SRGAP1: variants seen among roughly 807,000 people sequenced by gnomAD.
The protein encoded by SRGAP1 is SLIT-ROBO Rho GTPase-activating protein 1.
In SRGAP1, 43 loss-of-function variants were observed where a neutral mutation model predicts 121.9. That is an observed-to-expected ratio of 0.35 (90% CI 0.28 to 0.46). The LOEUF (loss-of-function observed/expected upper bound fraction) is 0.46. Among genes scored for constraint, SRGAP1 ranks in the 20% least tolerant of loss-of-function variants. SRGAP1 has a pLI of 1.00. For missense variants in SRGAP1, 1,102 were observed against 1,350.9 expected (o/e 0.82, Z 2.89); for synonymous variants, 447 against 485.4 (o/e 0.92, Z 1.04).
chr12:64,093,728 T>C (rs1451486455), intron 12 of SRGAP1, among the ~76,000 whole-genome samples: 1 of 152,122 alleles, frequency 6.6e-6, no homozygotes, highest in Non-Finnish European at 1.5e-5. Flanking sequence ...AAATTTGTGC[T>C]CCTAAAACAA....
chr12:63,914,584 A>G (rs936097295), intron 1 of SRGAP1, among the ~76,000 whole-genome samples: 3 of 152,198 alleles, frequency 2.0e-5, no homozygotes, highest in African/African-American at 7.2e-5. Context: ...TACTTGTACC[A>G]ATAAAAAGTC....
chr12:64,066,393 A>C (rs1389464022), intron 8 of SRGAP1, among the ~76,000 whole-genome samples: 3 of 152,222 alleles, frequency 2.0e-5, no homozygotes, highest in Admixed American at 6.5e-5. Flanking sequence ...GAGAATGTGC[A>C]GCTCATAGAA....
chr12:64,108,375 T>C (rs1315579439), intron 15 of SRGAP1, among the ~76,000 whole-genome samples: 1 of 152,184 alleles, frequency 6.6e-6, no homozygotes, highest in Non-Finnish European at 1.5e-5. Context: ...AGGAATTGTA[T>C]TGCTAATGTA....
intron 8 of SRGAP1, among the ~76,000 whole-genome samples, chr12:64,068,491 T>TAC (rs2035582750): frequency 0.019 from 1 of 52 alleles, no homozygotes; most frequent in East Asian, 0.5. Flanking sequence ...TTAACCACCG[T>TAC]GCCCGGCTGA....
chr12:64,114,885 A>G (rs1051637874), intron 17 of SRGAP1, among the ~76,000 whole-genome samples: 2 of 152,202 alleles, frequency 1.3e-5, no homozygotes, highest in Non-Finnish European at 2.9e-5. Context: ...CAGGAAGTCA[A>G]CAGTGTAGTA....
chr12:64,088,973 G>T (rs1378647549), intron 11 of SRGAP1, among the ~76,000 whole-genome samples: 1 of 152,108 alleles, frequency 6.6e-6, no homozygotes, highest in African/African-American at 2.4e-5. Flanking sequence ...AAGCTCTCTT[G>T]GACCTTATTG....
At chr12:63,995,023 A>T (rs1398566382) in intron 3 of SRGAP1, among the ~76,000 whole-genome samples, 1 of 152,210 alleles carries the variant, frequency 6.6e-6, no homozygotes, top group African/African-American at 2.4e-5. Context: ...GCACCTAATC[A>T]CAAGGTGTTA....
At chr12:64,063,545 A>G (rs2136537618) in intron 7 of SRGAP1, among the ~76,000 whole-genome samples, 1 of 152,334 alleles carries the variant, frequency 6.6e-6, no homozygotes, top group African/African-American at 2.4e-5. Context: ...AGGAAAAAAA[A>G]GTACAAAACT....
At chr12:64,040,775 G>A (rs1348063075) in intron 4 of SRGAP1, among the ~76,000 whole-genome samples, 1 of 152,020 alleles carries the variant, frequency 6.6e-6, no homozygotes, top group Non-Finnish European at 1.5e-5. Context: ...TATTTATTAA[G>A]CACCTATGTT....
intron 1 of SRGAP1, among the ~76,000 whole-genome samples, chr12:63,972,947 A>G (rs998115376): frequency 6.6e-6 from 1 of 152,038 alleles, no homozygotes. Context: ...CAGGAGCTCG[A>G]GACCAGCCTG....
rs1049221789 is a variant in SRGAP1 at position 64,068,942 on chromosome 12, G to A, written c.1125+3723G>A. Among the ~76,000 whole-genome samples the A allele has an allele frequency of 1.8e-4, 27 of 151,178 alleles. 1 individual carries two copies. Among genetic ancestry groups the A allele is most frequent in the Admixed American group, 1.4e-3 (21 of 15,204 alleles). ...GGAGAATCACTTGAACCCAGGAGGC[G>A]GAGGTTGCAGTGAGCCGAGATCATG... On this transcript the variant is annotated intron_variant, in intron 8 of 21. Transcript: ENST00000355086.
chr12:64,077,108 A>T (rs2035752212), intron 8 of SRGAP1, among the ~76,000 whole-genome samples: 1 of 152,220 alleles, frequency 6.6e-6, no homozygotes, highest in South Asian at 2.1e-4. Flanking sequence ...AAATTGTAGA[A>T]ACCCAAAGAT....
chr12:63,892,109 C>T (rs2136297681), intron 1 of SRGAP1, among the ~76,000 whole-genome samples: 1 of 152,012 alleles, frequency 6.6e-6, no homozygotes, highest in East Asian at 1.9e-4. Context: ...AAACAAAAAA[C>T]TATGATCAAA....
intron 1 of SRGAP1, among the ~76,000 whole-genome samples, chr12:63,978,879 T>C (rs1011686594): frequency 6.6e-6 from 1 of 152,128 alleles, no homozygotes; most frequent in African/African-American, 2.4e-5. Context: ...TTAAATCTTT[T>C]TGATTATAGC....
chr12:63,921,455 G>A (rs1252824393), intron 1 of SRGAP1, among the ~76,000 whole-genome samples: 2 of 151,998 alleles, frequency 1.3e-5, no homozygotes, highest in Admixed American at 6.6e-5. Flanking sequence ...CTTCTCTCTG[G>A]GCATCTCTTT....
intron 1 of SRGAP1, among the ~76,000 whole-genome samples, chr12:63,899,792 A>G (rs1390221936): frequency 6.6e-6 from 1 of 152,246 alleles, no homozygotes; most frequent in Non-Finnish European, 1.5e-5. Flanking sequence ...CGAATTTAAC[A>G]ATGTGTGCAT....
chr12:63,992,037 G>A (rs1393263942), intron 3 of SRGAP1, among the ~76,000 whole-genome samples: 2 of 152,186 alleles, frequency 1.3e-5, no homozygotes, highest in Non-Finnish European at 2.9e-5. Flanking sequence ...GGAGAAGGAG[G>A]CATTCATCTA....
intron 1 of SRGAP1, among the ~76,000 whole-genome samples, chr12:63,845,619 C>T (rs1426736438): frequency 7.1e-6 from 1 of 140,792 alleles, no homozygotes; most frequent in South Asian, 2.3e-4. Flanking sequence ...TGAAGGAAAC[C>T]TAATTAAGGC....
At chr12:63,881,052 T>G (rs1299469241) in intron 1 of SRGAP1, among the ~76,000 whole-genome samples, 1 of 152,208 alleles carries the variant, frequency 6.6e-6, no homozygotes, top group Non-Finnish European at 1.5e-5. Flanking sequence ...TAAATGCGCA[T>G]AACCCAAGAG....
Sources: allele counts gnomAD v4.1 joint callset (sites outside exome capture counted in the v4.1 genomes callset), GRCh38; gene constraint gnomAD v4.1.1; transcripts MANE v1.5; gene names NCBI Gene and HGNC (gene_info 2026-07-23, HGNC 2026-07-21).